Variants in EAPP observed in about 807,000 individuals in gnomAD.
EAPP encodes E2F associated phosphoprotein.
A neutral mutation model predicts 34.3 loss-of-function variants in EAPP; 38 were observed. That is an observed-to-expected ratio of 1.11 (90% CI 0.85 to 1.45). The LOEUF is 1.45. Among genes scored for constraint, EAPP ranks in the 40% most tolerant of loss-of-function variants. The probability of loss-of-function intolerance (pLI) is 0.00; values close to 1 mark genes in which losing one functional copy is unlikely to be tolerated. For missense variants in EAPP, 338 were observed against 343.7 expected (o/e 0.98, Z 0.13); for synonymous variants, 113 against 117.6 (o/e 0.96, Z 0.25).
intron 1 of EAPP, among the ~76,000 whole-genome samples, chr14:34,537,736 C>T (rs576626694): frequency 2.0e-5 from 3 of 152,316 alleles, no homozygotes; most frequent in Admixed American, 6.5e-5. Flanking sequence ...GGACCCTCAG[C>T]GTAATACCTG....
At chr14:34,528,718 C>T (rs1165649589) in intron 4 of EAPP, among the ~76,000 whole-genome samples, 1 of 151,534 alleles carries the variant, frequency 6.6e-6, no homozygotes, top group Admixed American at 6.6e-5. Context: ...ACCACCCTGG[C>T]CCATCCACAT....
chr14:34,530,904 C>CAAAAAAAAAAAAAAAAAAAAAAAAAA (rs780101001), intron 3 of EAPP, among the ~76,000 whole-genome samples: 2 of 55,184 alleles, frequency 3.6e-5, no homozygotes, highest in Non-Finnish European at 6.4e-5. Flanking sequence ...CAATCTTTAC[C>CAAAAAAAAAAAAAAAAAAAAAAAAAA]AAAAAAAAAA....
At chr14:34,533,171 A>T (rs558078321) in intron 3 of EAPP, among the ~76,000 whole-genome samples, 1 of 152,232 alleles carries the variant, frequency 6.6e-6, no homozygotes, top group South Asian at 2.1e-4. Flanking sequence ...AGTAGCTGGG[A>T]CTACAGGCGT....
intron 2 of EAPP, 38 bp downstream of exon 2, chr14:34,536,056 C>T (rs1194394702): frequency 6.6e-7 from 1 of 1,525,082 alleles, no homozygotes; most frequent in Admixed American, 1.9e-5. Flanking sequence ...CCTTACAGAG[C>T]TTACAAAAAT....
intron 3 of EAPP, among the ~76,000 whole-genome samples, chr14:34,532,673 G>A (rs1880335625): frequency 6.7e-6 from 1 of 148,606 alleles, no homozygotes; most frequent in Non-Finnish European, 1.5e-5. Flanking sequence ...TGTGTCCCCA[G>A]CTTTTTTTTT....
At chr14:34,533,884 A>G (rs911353287) in intron 2 of EAPP, among the ~76,000 whole-genome samples, 1 of 152,172 alleles carries the variant, frequency 6.6e-6, no homozygotes, top group African/African-American at 2.4e-5. Flanking sequence ...ATTTTGTTCT[A>G]AGAAACATTA....
chr14:34,516,255 CT>C lies in EAPP; in HGVS notation c.*54del. ...ATATGAACAGGCAAGAGGAAAGTAACTGTCCATATTTGCCTTATATACAGTA... is the reference window on the plus strand; with the variant it reads ...ATATGAACAGGCAAGAGGAAAGTAACGTCCATATTTGCCTTATATACAGTA... On this transcript the variant is annotated 3_prime_UTR_variant, in exon 6 of 6. Coordinates refer to ENST00000250454, the MANE Select transcript of EAPP (RefSeq NM_018453.4). 1.3e-6 allele frequency: 2 copies of C among 1,488,274 alleles called. No individual in the cohort carries two copies. The highest frequency in any genetic ancestry group is 2.3e-5 in the East Asian group (1 of 44,052). 92.2% of individuals were successfully genotyped at this position (1,488,274 alleles called of 1,614,324 possible). A position where few individuals can be genotyped will look rare whatever the true frequency, so the allele number is the denominator to read the frequency against.
intron 5 of EAPP, among the ~76,000 whole-genome samples, chr14:34,521,315 C>T (rs1879910347): frequency 6.6e-6 from 1 of 152,028 alleles, no homozygotes; most frequent in Non-Finnish European, 1.5e-5. Flanking sequence ...AGGTGATCCA[C>T]CCACCTCCGC....
At chr14:34,533,804 T>A (rs1242139345) in intron 2 of EAPP, among the ~76,000 whole-genome samples, 1 of 152,184 alleles carries the variant, frequency 6.6e-6, no homozygotes, top group Non-Finnish European at 1.5e-5. Context: ...ATAGCGATAT[T>A]TTCAGGTTGC....
intron 4 of EAPP, among the ~76,000 whole-genome samples, chr14:34,525,147 GAATA>G (rs1165207325): frequency 6.6e-6 from 1 of 152,072 alleles, no homozygotes; most frequent in Non-Finnish European, 1.5e-5. Context: ...TAAATGTACT[GAATA>G]AATAAATAAA....
Position 34,536,260 on chromosome 14 carries a change from C to T in EAPP, c.90G>A (p.Val30=). The change falls in exon 2 of 6, where the codon GTG becomes GTA. Residue 30 remains valine, a synonymous_variant. Transcript: ENST00000250454. ...EPALSSSEDE[V]DVLLHGTPDQ... ...CAGGAGTTCCATGTAAAAGCACATCCACTTCATCCTCAGAGCTAGCATACA... is the reference window on the plus strand; with the variant it reads ...CAGGAGTTCCATGTAAAAGCACATCTACTTCATCCTCAGAGCTAGCATACA... The T allele has an allele frequency of 1.2e-6, 2 of 1,607,842 alleles. No homozygotes were observed. The highest frequency in any genetic ancestry group is 1.7e-6 in the Non-Finnish European group (2 of 1,178,242).
chr14:34,524,496 A>T (rs1880027401), intron 5 of EAPP, among the ~76,000 whole-genome samples: 1 of 151,916 alleles, frequency 6.6e-6, no homozygotes, highest in Admixed American at 6.6e-5. Context: ...GCCGCTTGTA[A>T]TCCCAGCTAC....
chr14:34,533,328 C>T, intron 3 of EAPP, 116 bp downstream of exon 3: 1 of 813,528 alleles, frequency 1.2e-6, no homozygotes, highest in Admixed American at 2.3e-5. Context: ...AGCCACCATG[C>T]CTAGCTGTAA....
rs780101001 is a variant in EAPP, at chr14:34,530,904, CAAA to C, written c.353-1432_353-1430del. 8.0e-4 allele frequency among the ~76,000 whole-genome samples: 44 copies of C among 55,192 alleles called. 1 individual carries two copies. In the South Asian group the frequency reaches 0.035, roughly 43 times the overall value. 36.2% of individuals were successfully genotyped at this position (55,192 alleles called of 152,430 possible). A position where few individuals can be genotyped will look rare whatever the true frequency, so the allele number is the denominator to read the frequency against. On this transcript the variant is annotated intron_variant, in intron 3 of 5. Coordinates refer to ENST00000250454, the MANE Select transcript of EAPP (RefSeq NM_018453.4). ...CAACAAAGCAAGACCCAATCTTTAC[CAAA>C]AAAAAAAAAAAAAAAAAAAGAAAGA...
At chr14:34,530,502 A>G (rs981322166) in intron 3 of EAPP, among the ~76,000 whole-genome samples, 2 of 152,136 alleles carry the variant, frequency 1.3e-5, no homozygotes, top group Non-Finnish European at 2.9e-5. Flanking sequence ...ACTGCTGGAG[A>G]CTGGGTAAGA....
intron 5 of EAPP, among the ~76,000 whole-genome samples, chr14:34,522,002 A>G (rs1457018341): frequency 6.6e-6 from 1 of 151,932 alleles, no homozygotes. Context: ...TCTGCCACCC[A>G]TTCTGGAGTA....
chr14:34,529,355 TA>T lies in EAPP; in HGVS notation c.470+2del. On this transcript the variant is annotated splice_donor_variant, in intron 4 of 5. Transcript: ENST00000250454. LOFTEE classifies it high-confidence loss of function. Reference sequence around the variant, plus strand: ...ATTCTAAATATTAACTTTAAGTTCTTACCCCCTTCTCTGTGCATCAACCCAG... The same window carrying T: ...ATTCTAAATATTAACTTTAAGTTCTTCCCCCTTCTCTGTGCATCAACCCAG... The T allele has an allele frequency of 6.4e-7, 1 of 1,567,434 alleles. No individual in the cohort carries two copies. Among genetic ancestry groups the T allele is most frequent in the Non-Finnish European group, 8.7e-7 (1 of 1,143,810 alleles).
At chr14:34,519,549 G>C (rs904785998) in intron 5 of EAPP, among the ~76,000 whole-genome samples, 2 of 150,368 alleles carry the variant, frequency 1.3e-5, no homozygotes, top group African/African-American at 4.9e-5. Flanking sequence ...AAAAAAAAAA[G>C]TTTCCTGAGA....
intron 1 of EAPP, among the ~76,000 whole-genome samples, chr14:34,538,252 G>A (rs1346219495): frequency 6.6e-6 from 1 of 152,096 alleles, no homozygotes; most frequent in Non-Finnish European, 1.5e-5. Flanking sequence ...GGTAGCGCAT[G>A]CCTGTAATCC....
Sources: allele counts gnomAD v4.1 joint callset (sites outside exome capture counted in the v4.1 genomes callset), GRCh38; gene constraint gnomAD v4.1.1; transcripts MANE v1.5; gene names NCBI Gene and HGNC (gene_info 2026-07-23, HGNC 2026-07-21).